The following BCAT1 variants were observed in gnomAD, a reference collection of about 807,000 sequenced individuals.
BCAT1 encodes the protein branched-chain-amino-acid aminotransferase, cytosolic.
A neutral mutation model predicts 52.4 loss-of-function variants in BCAT1; 48 were observed. That is an observed-to-expected ratio of 0.92 (90% CI 0.73 to 1.16). The LOEUF (loss-of-function observed/expected upper bound fraction) is 1.16, where lower values mean the gene tolerates loss of function less well. Ranked by LOEUF, BCAT1 falls within the 50% of genes most tolerant of loss-of-function variation. The probability of loss-of-function intolerance (pLI) is 0.00; values close to 1 mark genes in which losing one functional copy is unlikely to be tolerated. For synonymous variants in BCAT1, 167 were observed against 161.3 expected, an observed-to-expected ratio of 1.04 and a Z score of -0.27; for missense variants, 451 against 457.1, an observed-to-expected ratio of 0.99 and a Z score of 0.12.
intron 1 of BCAT1, among the ~76,000 whole-genome samples, chr12:24,944,658 T>C (rs1943909518): frequency 6.6e-6 from 1 of 150,902 alleles, no homozygotes; most frequent in African/African-American, 2.4e-5. Flanking sequence ...AAACCGTAAA[T>C]GCAATTGATG....
At chr12:24,917,462 G>A (rs895339169) in intron 1 of BCAT1, among the ~76,000 whole-genome samples, 1 of 152,162 alleles carries the variant, frequency 6.6e-6, no homozygotes, top group Non-Finnish European at 1.5e-5. Context: ...GATTACAGGC[G>A]TGAGCCACTG....
At chr12:24,948,879 T>C (rs1421785782) in intron 1 of BCAT1, 48 bp downstream of exon 1, 5 of 1,576,924 alleles carry the variant, frequency 3.2e-6, no homozygotes, top group East Asian at 2.3e-5. Context: ...GCCGGTTCGA[T>C]TCACGCACAC....
At chr12:24,933,932 C>T (rs1478055672) in intron 1 of BCAT1, among the ~76,000 whole-genome samples, 1 of 152,036 alleles carries the variant, frequency 6.6e-6, no homozygotes, top group Non-Finnish European at 1.5e-5. Flanking sequence ...GCTGGTCACC[C>T]CACCCTAATC....
chr12:24,908,339 C>G (rs117775045), intron 1 of BCAT1, among the ~76,000 whole-genome samples: 2,133 of 152,328 alleles, frequency 0.014, 21 homozygotes, highest in Non-Finnish European at 0.018. Flanking sequence ...CTATATCTGC[C>G]AGGTAGCCAC....
At chr12:24,844,302 A>G (rs1941265955) in intron 6 of BCAT1, among the ~76,000 whole-genome samples, 1 of 152,100 alleles carries the variant, frequency 6.6e-6, no homozygotes, top group Admixed American at 6.5e-5. Context: ...GTGGTGGCCC[A>G]TGCCTGTAAT....
intron 1 of BCAT1, among the ~76,000 whole-genome samples, chr12:24,933,603 C>G (rs564726187): frequency 1.3e-5 from 2 of 152,076 alleles, no homozygotes; most frequent in Non-Finnish European, 2.9e-5. Context: ...GTGATTGGAT[C>G]TTGGGGGTGA....
rs986860265 is a variant in BCAT1, at chr12:24,813,613, T to C, written c.*4395A>G. ...AAAAGAATTCAGTCAACACATGTAC[T>C]AGGTTGGTAGTAAATAGTAAAGAAA... On this transcript the variant is annotated 3_prime_UTR_variant, in exon 11 of 11. Coordinates refer to ENST00000261192, the MANE Select transcript of BCAT1 (RefSeq NM_005504.7). 2.0e-5 allele frequency: 3 copies of C among 152,050 alleles called. No individual in the cohort carries two copies. The highest frequency in any genetic ancestry group is 4.4e-5 in the Non-Finnish European group (3 of 67,932). The allele number at this position is 152,050 out of a possible 1,614,324, so 9.4% of individuals were successfully genotyped here.
intron 5 of BCAT1, among the ~76,000 whole-genome samples, chr12:24,870,877 GC>G: frequency 6.6e-6 from 1 of 152,200 alleles, no homozygotes; most frequent in East Asian, 1.9e-4. Context: ...ACAAAAATTA[GC>G]CAGGTGTAGT....
At position 24,814,214 on chromosome 12, in the gene BCAT1, T is replaced by C. The variant is rs1354766188; in HGVS notation, c.*3794A>G. 6.6e-6 allele frequency: 1 copy of C among 152,116 alleles called. No individual in the cohort carries two copies. Among genetic ancestry groups the C allele is most frequent in the Non-Finnish European group, 1.5e-5 (1 of 67,964 alleles). 9.4% of individuals were successfully genotyped at this position (152,116 alleles called of 1,614,324 possible). On this transcript the variant is annotated 3_prime_UTR_variant, in exon 11 of 11. Coordinates refer to ENST00000261192, the MANE Select transcript of BCAT1 (RefSeq NM_005504.7). Reference sequence around the variant, plus strand: ...AAGAAATCCACATTACAAGGAAAAGTACTTTGATAATTTTAGAGTCAAGAC... The same window carrying C: ...AAGAAATCCACATTACAAGGAAAAGCACTTTGATAATTTTAGAGTCAAGAC...
intron 8 of BCAT1, chr12:24,834,903 G>T: frequency 1.9e-6 from 1 of 525,780 alleles, no homozygotes; most frequent in Non-Finnish European, 2.5e-6. Flanking sequence ...TCCCCTATCT[G>T]GCAAATAGTG....
intron 10 of BCAT1, among the ~76,000 whole-genome samples, chr12:24,823,377 T>G (rs1302143604): frequency 6.6e-6 from 1 of 152,154 alleles, no homozygotes; most frequent in Non-Finnish European, 1.5e-5. Flanking sequence ...CCTGGCCACC[T>G]TCTTCATTTT....
chr12:24,833,681 T>C (rs1940787632), intron 8 of BCAT1: 1 of 152,236 alleles, frequency 6.6e-6, no homozygotes, highest in African/African-American at 2.4e-5. Context: ...ATCCCCATTT[T>C]ACAGATGAGG....
intron 3 of BCAT1, among the ~76,000 whole-genome samples, chr12:24,891,853 AT>A (rs1439382575): frequency 6.7e-6 from 1 of 149,536 alleles, no homozygotes; most frequent in Non-Finnish European, 1.5e-5. Context: ...GGTTCACGTC[AT>A]TTTCCTGCCT....
At chr12:24,841,236 T>C (rs1396159962) in intron 7 of BCAT1, among the ~76,000 whole-genome samples, 1 of 152,204 alleles carries the variant, frequency 6.6e-6, no homozygotes, top group Non-Finnish European at 1.5e-5. Context: ...TTTAATCAGA[T>C]TGAGTTCTAG....
At chr12:24,940,277 A>G (rs1342315519) in intron 1 of BCAT1, among the ~76,000 whole-genome samples, 2 of 152,238 alleles carry the variant, frequency 1.3e-5, no homozygotes, top group African/African-American at 4.8e-5. Flanking sequence ...CTATGCAGTT[A>G]CGTTAATATG....
At chr12:24,931,530 C>T (rs1309927580) in intron 1 of BCAT1, among the ~76,000 whole-genome samples, 1 of 152,036 alleles carries the variant, frequency 6.6e-6, no homozygotes, top group Non-Finnish European at 1.5e-5. Context: ...CCCTGAATAC[C>T]TCAAGGAACA....
intron 5 of BCAT1, among the ~76,000 whole-genome samples, chr12:24,873,297 A>G (rs969975212): frequency 6.6e-6 from 1 of 152,244 alleles, no homozygotes; most frequent in African/African-American, 2.4e-5. Context: ...AGAGCCCTCC[A>G]GACTGTAGTT....
chr12:24,916,307 C>G (rs1943406149), intron 1 of BCAT1, among the ~76,000 whole-genome samples: 1 of 152,152 alleles, frequency 6.6e-6, no homozygotes, highest in African/African-American at 2.4e-5. Flanking sequence ...AAGTGACATT[C>G]TTTACTTATT....
chr12:24,943,856 C>T lies in BCAT1; in HGVS notation c.6+5071G>A, dbSNP rs920266589. 5.3e-5 allele frequency among the ~76,000 whole-genome samples: 8 copies of T among 151,354 alleles called. No individual in the cohort carries two copies. The East Asian group carries it at 5.9e-4, about 11-fold the overall frequency. ...AAAATTAGCCGGGCGTGGTGGCGGG[C>T]GCCTGTAGTCCCAGCTACTCAGGAA... On this transcript the variant is annotated intron_variant, in intron 1 of 10. Coordinates refer to ENST00000261192, the MANE Select transcript of BCAT1 (RefSeq NM_005504.7).
Sources: allele counts gnomAD v4.1 joint callset (sites outside exome capture counted in the v4.1 genomes callset), GRCh38; gene constraint gnomAD v4.1.1; transcripts MANE v1.5; gene names NCBI Gene and HGNC (gene_info 2026-07-23, HGNC 2026-07-21).